Variants in AP1M1 observed in about 807,000 individuals in gnomAD.
AP1M1 encodes AP-1 complex subunit mu-1.
Under a neutral mutation model 57.1 loss-of-function variants are expected in AP1M1, and 18 were observed. The observed-to-expected ratio is 0.32, with a 90% confidence interval of 0.22 to 0.47. The LOEUF (loss-of-function observed/expected upper bound fraction) is 0.47, where lower values mean the gene tolerates loss of function less well. Among genes scored for constraint, AP1M1 ranks in the 20% least tolerant of loss-of-function variants. The pLI is 1.00. For missense variants in AP1M1, 362 were observed against 593.5 expected (o/e 0.61, Z 4.05); for synonymous variants, 241 against 237.9 (o/e 1.01, Z -0.12).
chr19:16,215,991 T>C (rs545175743), intron 5 of AP1M1, among the ~76,000 whole-genome samples: 1 of 152,326 alleles, frequency 6.6e-6, no homozygotes, highest in South Asian at 2.1e-4. Context: ...TATTAAATTC[T>C]TATACTGTGT....
In AP1M1 at chr19:16,227,636, C is replaced by G. The variant is rs749941507; in HGVS notation, c.762C>G (p.Ser254=). ...GCTTCGAGAATGACCGCACCATCTC[C>G]TTCATCCCACCCGACGGCGAGTTCG... ...LSRFENDRTI[S]FIPPDGEFEL... is the part of the protein sequence containing the mutation. The change falls in exon 7 of 12, where the codon TCC becomes TCG. Residue 254 remains serine, a synonymous_variant. Coordinates refer to ENST00000291439, the MANE Select transcript of AP1M1 (RefSeq NM_032493.4). This position sits in a 1 kb window ranked among gnomAD's most constrained non-coding sequence, Gnocchi z 6.2. The G allele has an allele frequency of 1.2e-5, 19 of 1,613,958 alleles. No individual in the cohort carries two copies. The highest frequency in any genetic ancestry group is 2.7e-5 in the African/African-American group (2 of 74,912).
At chr19:16,219,136 T>C (rs1285364955) in intron 5 of AP1M1, among the ~76,000 whole-genome samples, 2 of 151,866 alleles carry the variant, frequency 1.3e-5, no homozygotes, top group Non-Finnish European at 2.9e-5. Flanking sequence ...ATTGATGTAA[T>C]CACATGAGTT....
In AP1M1 at chr19:16,243,040, G is replaced by C. The variant is rs2091650804; in HGVS notation, c.*8605G>C. 6.6e-6 allele frequency: 1 copy of C among 152,096 alleles called. No homozygotes were observed. Among genetic ancestry groups the C allele is most frequent in the Non-Finnish European group, 1.5e-5 (1 of 68,036 alleles). The allele number at this position is 152,096 out of a possible 1,614,324, so 9.4% of individuals were successfully genotyped here. On this transcript the variant is annotated 3_prime_UTR_variant, in exon 12 of 12. Coordinates refer to ENST00000291439, the MANE Select transcript of AP1M1 (RefSeq NM_032493.4). ...CCCCCACTGGCCTCCCAAAGTGCTA[G>C]TGGCAGGTGTGAGCCACCACACACG...
chr19:16,207,927 G>A lies in AP1M1; in HGVS notation c.268-92G>A. On this transcript the variant is annotated intron_variant, in intron 3 of 11. Transcript: ENST00000291439. The surrounding 1 kb of genome is among the most constrained non-coding windows in gnomAD (Gnocchi z 4.2). Reference sequence around the variant, plus strand: ...AGTAGGCTGTTGGTAGGACTTAGCGGGCAAATGAATGTGTGCAAGCGTTCA... The same window carrying A: ...AGTAGGCTGTTGGTAGGACTTAGCGAGCAAATGAATGTGTGCAAGCGTTCA... 6.8e-7 allele frequency: 1 copy of A among 1,479,472 alleles called. No individual in the cohort carries two copies. The highest frequency in any genetic ancestry group is 9.2e-7 in the Non-Finnish European group (1 of 1,091,036). 91.6% of individuals were successfully genotyped at this position (1,479,472 alleles called of 1,614,324 possible). A position where few individuals can be genotyped will look rare whatever the true frequency, so the allele number is the denominator to read the frequency against.
Position 16,228,958 on chromosome 19 carries a change from C to T in AP1M1, c.1047+30C>T, listed in dbSNP as rs1456083013. ...GCACTCTGTCCAGACATCCACGTGC[C>T]CCCTGCGCCTGTCTCTGCAAGGCAG... is the stretch of plus-strand genomic sequence containing the variant. On this transcript the variant is annotated intron_variant, in intron 9 of 11. Coordinates refer to ENST00000291439, the MANE Select transcript of AP1M1 (RefSeq NM_032493.4). This position sits in a 1 kb window ranked among gnomAD's most constrained non-coding sequence, Gnocchi z 5.0. 2 of 1,604,594 alleles carry T rather than the reference C, an allele frequency of 1.2e-6. No homozygotes were observed. The highest frequency in any genetic ancestry group is 2.2e-5 in the East Asian group (1 of 44,550).
chr19:16,215,217 GGGGA>G (rs1392561563), intron 5 of AP1M1, among the ~76,000 whole-genome samples: 4 of 53,310 alleles, frequency 7.5e-5, no homozygotes, highest in Admixed American at 1.6e-4. Flanking sequence ...GGGGGAGAGG[GGGGA>G]GGGGGGAGGG....
intron 9 of AP1M1, among the ~76,000 whole-genome samples, chr19:16,230,044 G>A (rs182294289): frequency 6.6e-6 from 1 of 152,276 alleles, no homozygotes; most frequent in East Asian, 1.9e-4. Flanking sequence ...CACACTGGGA[G>A]AATACTTCAT....
At position 16,234,293 on chromosome 19, in the gene AP1M1, G is replaced by T. The variant is rs202192686; in HGVS notation, c.1249+19G>T. On this transcript the variant is annotated intron_variant, in intron 11 of 11. Coordinates refer to ENST00000291439, the MANE Select transcript of AP1M1 (RefSeq NM_032493.4). ...AATGGAGGTGAGTGAGGCCCTACCCGTGGGGTGGGGTTGTACTGAGGGGTC... is the reference window on the plus strand; with the variant it reads ...AATGGAGGTGAGTGAGGCCCTACCCTTGGGGTGGGGTTGTACTGAGGGGTC... 15 of 1,611,808 alleles carry T rather than the reference G, an allele frequency of 9.3e-6. No individual in the cohort carries two copies. The East Asian group carries it at 3.3e-4, about 36-fold the overall frequency.
At chr19:16,212,725 T>C (rs2091500715) in intron 5 of AP1M1, among the ~76,000 whole-genome samples, 1 of 152,204 alleles carries the variant, frequency 6.6e-6, no homozygotes, top group Non-Finnish European at 1.5e-5. Context: ...CTTTTTGATG[T>C]GGGCATGTAG....
At chr19:16,222,761 C>G (rs918807984) in intron 5 of AP1M1, among the ~76,000 whole-genome samples, 1 of 152,008 alleles carries the variant, frequency 6.6e-6, no homozygotes, top group African/African-American at 2.4e-5. Flanking sequence ...GCACGCACCA[C>G]CATGCCTGGC....
At chr19:16,221,858 G>T (rs2091545717) in intron 5 of AP1M1, among the ~76,000 whole-genome samples, 3 of 151,858 alleles carry the variant, frequency 2.0e-5, no homozygotes, top group South Asian at 2.1e-4. Context: ...GGCTAATTTT[G>T]TATTTTTAGT....
chr19:16,231,162 C>T (rs1189153263), intron 9 of AP1M1, among the ~76,000 whole-genome samples: 1 of 151,586 alleles, frequency 6.6e-6, no homozygotes, highest in Non-Finnish European at 1.5e-5. Context: ...GTGGTGGGTG[C>T]CTGTAGTCCC....
At chr19:16,219,246 A>C (rs561361415) in intron 5 of AP1M1, among the ~76,000 whole-genome samples, 37 of 152,222 alleles carry the variant, frequency 2.4e-4, no homozygotes, top group African/African-American at 8.7e-4. Flanking sequence ...GTCATAGTGT[A>C]TTATAGGTTG....
intron 5 of AP1M1, among the ~76,000 whole-genome samples, chr19:16,223,721 G>T (rs949312865): frequency 6.6e-6 from 1 of 152,200 alleles, no homozygotes; most frequent in Non-Finnish European, 1.5e-5. Flanking sequence ...GCACTTTCTC[G>T]TGGGGGGCGG....
intron 9 of AP1M1, among the ~76,000 whole-genome samples, 189 bp downstream of exon 9, chr19:16,229,117 C>T (rs899177941): frequency 6.6e-6 from 1 of 152,192 alleles, no homozygotes; most frequent in African/African-American, 2.4e-5. Context: ...CTGACTCGGC[C>T]CCTGGGCCCC....
chr19:16,223,086 T>C (rs1002148871), intron 5 of AP1M1, among the ~76,000 whole-genome samples: 1 of 152,176 alleles, frequency 6.6e-6, no homozygotes, highest in African/African-American at 2.4e-5. Flanking sequence ...ATACTCTAGG[T>C]CTTATTTAAG....
intron 6 of AP1M1, 48 bp downstream of exon 6, chr19:16,226,595 G>C: frequency 6.5e-7 from 1 of 1,542,510 alleles, no homozygotes; most frequent in South Asian, 1.2e-5. Flanking sequence ...GCCTCACCAG[G>C]CACACACATT....
chr19:16,208,577 G>A lies in AP1M1; in HGVS notation c.398+428G>A, dbSNP rs373967866. Among the ~76,000 whole-genome samples, 23 of 152,142 alleles carry A rather than the reference G, an allele frequency of 1.5e-4. No individual in the cohort carries two copies. In the East Asian group the frequency reaches 2.9e-3, roughly 19 times the overall value. ...TCGATTCACAGCCTCCCCGTATACC[G>A]TCTCCCCATTTTACAGGGGACAAGC... is the stretch of plus-strand genomic sequence containing the variant. On this transcript the variant is annotated intron_variant, in intron 4 of 11. Transcript: ENST00000291439.
intron 9 of AP1M1, among the ~76,000 whole-genome samples, chr19:16,231,928 A>G (rs928020168): frequency 1.3e-5 from 2 of 152,196 alleles, no homozygotes; most frequent in African/African-American, 4.8e-5. Flanking sequence ...TTACCAGGTT[A>G]GGGAATTTGA....
Sources: allele counts gnomAD v4.1 joint callset (sites outside exome capture counted in the v4.1 genomes callset), GRCh38; gene constraint gnomAD v4.1.1; non-coding constraint Gnocchi (gnomAD v3.1); transcripts MANE v1.5; gene names NCBI Gene and HGNC (gene_info 2026-07-23, HGNC 2026-07-21).